Variants in ATP7A observed in about 807,000 individuals in gnomAD.
The protein encoded by ATP7A is copper-transporting ATPase 1.
In ATP7A, 7 loss-of-function variants were observed where a neutral mutation model predicts 83.5. That is an observed-to-expected ratio of 0.08 (90% CI 0.05 to 0.16). ATP7A has a LOEUF of 0.16. ATP7A is among the 10% of genes least tolerant of loss of function. The probability of loss-of-function intolerance (pLI) is 1.00; values close to 1 mark genes in which losing one functional copy is unlikely to be tolerated. For missense variants in ATP7A, 940 were observed against 1,120.8 expected (o/e 0.84, Z 2.30); for synonymous variants, 354 against 395.2 (o/e 0.90, Z 1.24).
At chrX:77,934,341 C>A (rs1178673419) in intron 1 of ATP7A, among the ~76,000 whole-genome samples, 1 of 111,171 alleles carries the variant, frequency 9.0e-6, no homozygotes, top group Non-Finnish European at 1.9e-5. Flanking sequence ...TTGATTGAGC[C>A]CAGAAATTTG....
intron 7 of ATP7A, among the ~76,000 whole-genome samples, chrX:78,010,595 T>G (rs2077813336): frequency 1.1e-5 from 1 of 94,000 alleles, no homozygotes; most frequent in African/African-American, 3.9e-5. Flanking sequence ...TTTTTTTTTT[T>G]TGGAGACAGA....
In ATP7A at chrX:77,976,357, G is replaced by A. The variant is rs946054953; in HGVS notation, c.120+4596G>A. Among the ~76,000 whole-genome samples, 4 of 112,010 alleles carry A rather than the reference G, an allele frequency of 3.6e-5. No homozygotes were observed. The Admixed American group carries it at 3.8e-4, about 11-fold the overall frequency. ...AACTTTTACCATTTATTTTTCAGAG[G>A]TTTCAAAATGGTTTTGGCTCTTTAG... On this transcript the variant is annotated intron_variant, in intron 2 of 22. Transcript: ENST00000341514.
chrX:78,009,256 C>T lies in ATP7A; in HGVS notation c.1862C>T (p.Thr621Ile). 4.1e-6 allele frequency: 5 copies of T among 1,207,489 alleles called. No homozygotes were observed. The highest frequency in any genetic ancestry group is 5.6e-6 in the Non-Finnish European group (5 of 892,173). The change falls in exon 7 of 23, where the codon ACA (threonine) becomes ATA (isoleucine). Residue 621 changes from threonine to isoleucine, a missense_variant. Physicochemically the swap from Thr to Ile is moderately conservative, Grantham distance 89 (BLOSUM62 -1). Transcript: ENST00000341514. ...EIIGPRDIIH[T>I]IESLGFEASL... The stretch of plus-strand genomic sequence containing the variant: ...ATTGGTCCTAGAGATATTATCCATA[C>T]AATTGAAGTAAGTGCCAAGAATTTA...
intron 4 of ATP7A, among the ~76,000 whole-genome samples, chrX:77,992,068 CTT>C (rs782066539): frequency 3.0e-5 from 3 of 99,603 alleles, no homozygotes; most frequent in African/African-American, 3.6e-5. Context: ...AAATTAGATT[CTT>C]TTTTTTTTTT....
At chrX:77,925,484 C>T (rs1557223493) in intron 1 of ATP7A, among the ~76,000 whole-genome samples, 4 of 110,722 alleles carry the variant, frequency 3.6e-5, no homozygotes, top group Non-Finnish European at 7.6e-5. Flanking sequence ...GCTAATGAAG[C>T]CAGGGTTATA....
intron 2 of ATP7A, among the ~76,000 whole-genome samples, chrX:77,981,318 T>C (rs2077604478): frequency 9.0e-6 from 1 of 111,603 alleles, no homozygotes; most frequent in South Asian, 3.7e-4. Context: ...TCGAGTCAGC[T>C]TCAAAGAGGA....
At chrX:77,963,793 G>A (rs781952121) in intron 1 of ATP7A, 1 of 109,810 alleles carries the variant, frequency 9.1e-6, no homozygotes, top group Non-Finnish European at 1.9e-5. Context: ...TAGAGACAAG[G>A]TTTCACCATA....
chrX:77,930,228 T>C (rs1455825743), intron 1 of ATP7A, among the ~76,000 whole-genome samples: 1 of 111,351 alleles, frequency 9.0e-6, no homozygotes, highest in Non-Finnish European at 1.9e-5. Context: ...CAGGAAGGGA[T>C]TGGACCTCTT....
chrX:77,936,974 A>G (rs1557225095), intron 1 of ATP7A, among the ~76,000 whole-genome samples: 1 of 112,260 alleles, frequency 8.9e-6, no homozygotes, highest in African/African-American at 3.2e-5. Flanking sequence ...TCCATAATAA[A>G]CTTTTAAAAG....
chrX:77,965,556 G>A, intron 1 of ATP7A: 1 of 178,846 alleles, frequency 5.6e-6, no homozygotes, highest in Non-Finnish European at 1.1e-5. Context: ...ACTGCTCATG[G>A]GAGTATAAAT....
At chrX:77,931,505 GC>G (rs1291680570) in intron 1 of ATP7A, among the ~76,000 whole-genome samples, 1 of 112,479 alleles carries the variant, frequency 8.9e-6, no homozygotes, top group Non-Finnish European at 1.9e-5. Flanking sequence ...TGTCATCCCG[GC>G]CCGTTCTCAA....
intron 1 of ATP7A, among the ~76,000 whole-genome samples, chrX:77,941,171 A>G (rs1321356774): frequency 1.8e-5 from 2 of 111,701 alleles, no homozygotes; most frequent in African/African-American, 6.5e-5. Flanking sequence ...ATTTTATCTA[A>G]AAGATATGCT....
At chrX:77,926,724 A>G (rs1557223610) in intron 1 of ATP7A, among the ~76,000 whole-genome samples, 1 of 105,542 alleles carries the variant, frequency 9.5e-6, no homozygotes, top group African/African-American at 3.5e-5. Context: ...TTTTTTTGAG[A>G]TGGAGTCTTG....
chrX:78,019,595 G>A (rs1231508478), intron 12 of ATP7A, among the ~76,000 whole-genome samples: 6 of 110,858 alleles, frequency 5.4e-5, no homozygotes, highest in African/African-American at 1.3e-4. Flanking sequence ...AGCCTCCCAC[G>A]TACCTGGGAC....
At position 77,989,439 on chromosome X, in the gene ATP7A, T is replaced by C. The variant is rs1557231780; in HGVS notation, c.817T>C (p.Tyr273His). 5.8e-6 allele frequency: 7 copies of C among 1,210,042 alleles called. No homozygotes were observed. The highest frequency in any genetic ancestry group is 7.8e-6 in the Non-Finnish European group (7 of 895,136). ...AGGGTCACAGCAAAGGAGTCCATCA[T>C]ATACCAATGATTCAACAGCCACTTT... ...SEGSQQRSPS[Y>H]TNDSTATFII... Residue 273 changes from tyrosine to histidine, a missense_variant, in exon 4 of 23, where the codon TAT (tyrosine) becomes CAT (histidine). By Grantham distance (83) the Tyr-to-His change is moderately conservative (BLOSUM62 2). Around this residue, in one of 3 missense-constraint regions of ATP7A, gnomAD observed 350 missense variants for 432.8 expected, o/e 0.81. Coordinates refer to ENST00000341514, the MANE Select transcript of ATP7A (RefSeq NM_000052.7).
At chrX:77,953,005 C>T (rs782666296) in intron 1 of ATP7A, among the ~76,000 whole-genome samples, 22 of 111,084 alleles carry the variant, frequency 2.0e-4, no homozygotes, top group Non-Finnish European at 3.8e-4. Context: ...TGGTCTCGAA[C>T]TCCTGGGCTC....
chrX:77,980,378 G>A (rs1557230769), intron 2 of ATP7A, among the ~76,000 whole-genome samples: 1 of 110,068 alleles, frequency 9.1e-6, no homozygotes, highest in Non-Finnish European at 1.9e-5. Context: ...CCTGGAGGTG[G>A]AGGTTGCAGT....
chrX:78,015,541 A>T (rs1158095321), intron 11 of ATP7A, among the ~76,000 whole-genome samples: 5 of 111,836 alleles, frequency 4.5e-5, no homozygotes, highest in African/African-American at 1.6e-4. Flanking sequence ...ATGACTGTTC[A>T]AAAAAATAGA....
intron 1 of ATP7A, among the ~76,000 whole-genome samples, chrX:77,962,062 A>C (rs1335738418): frequency 1.8e-5 from 2 of 111,836 alleles, no homozygotes; most frequent in African/African-American, 3.2e-5. Flanking sequence ...GAACCTTGTG[A>C]GGGTCCTGAA....
Sources: gnomAD v4.1 joint callset for allele counts (sites outside exome capture counted in the v4.1 genomes callset) on GRCh38, gnomAD v4.1.1 for gene constraint, gnomAD v4.1.1 regional missense constraint, MANE v1.5 for transcripts, NCBI Gene and HGNC (gene_info 2026-07-23, HGNC 2026-07-21) for gene names.